The following ZFPM1 variants were observed in gnomAD, a reference collection of about 807,000 sequenced individuals.
ZFPM1 encodes the protein zinc finger protein, FOG family member 1, also known as zinc finger protein ZFPM1.
In ZFPM1, 28 loss-of-function variants were observed where a neutral mutation model predicts 46.3. That is an observed-to-expected ratio of 0.60 (90% confidence interval 0.45 to 0.83). The LOEUF is 0.83. ZFPM1 is among the 40% of genes least tolerant of loss of function. ZFPM1 has a pLI of 0.00. For missense variants in ZFPM1, 1,878 were observed against 1,432.4 expected (o/e 1.31, Z -5.02); for synonymous variants, 957 against 675.9 (o/e 1.42, Z -6.45).
chr16:88,509,014 A>G (rs1159445226), intron 3 of ZFPM1, among the ~76,000 whole-genome samples: 1 of 151,610 alleles, frequency 6.6e-6, no homozygotes, highest in Non-Finnish European at 1.5e-5. Context: ...ACCCCTGGCC[A>G]CCCCGGTCTG....
chr16:88,478,114 G>A (rs190363477), intron 1 of ZFPM1, among the ~76,000 whole-genome samples: 6 of 152,338 alleles, frequency 3.9e-5, no homozygotes, highest in African/African-American at 9.6e-5. Context: ...CCCCAGGCCC[G>A]CTGGCACAGT....
chr16:88,533,193 C>T lies in ZFPM1; in HGVS notation c.1235C>T (p.Pro412Leu), dbSNP rs760074267. The T allele has an allele frequency of 8.8e-5, 136 of 1,539,976 alleles. No homozygotes were observed. The highest frequency in any genetic ancestry group is 1.1e-4 in the Non-Finnish European group (132 of 1,153,094). ...CAGCAGCACACGGCCCTGCAAGGCC[C>T]CCTGGCCTCCGCGGACCTGGGCCTG... ...FQQQHTALQG[P>L]LASADLGLAP... Residue 412 changes from proline to leucine, a missense_variant, in exon 10 of 10, where the codon CCC becomes CTC. Transcript: ENST00000319555.
At chr16:88,493,048 T>TGTCCCGGGGTGCGG in intron 3 of ZFPM1, among the ~76,000 whole-genome samples, 1 of 149,074 alleles carries the variant, frequency 6.7e-6, no homozygotes, top group African/African-American at 2.5e-5. Flanking sequence ...TATGGAGAGC[T>TGTCCCGGGGTGCGG]ATCCCGGGGT....
intron 1 of ZFPM1, among the ~76,000 whole-genome samples, chr16:88,479,704 C>G (rs888762151): frequency 6.6e-6 from 1 of 151,150 alleles, no homozygotes; most frequent in South Asian, 2.1e-4. Context: ...GACCCCCCCC[C>G]ACCCACCTGC....
At chr16:88,475,583 C>G (rs1246265717) in intron 1 of ZFPM1, among the ~76,000 whole-genome samples, 4 of 152,102 alleles carry the variant, frequency 2.6e-5, no homozygotes, top group African/African-American at 9.7e-5. Flanking sequence ...TGAGAAAGCC[C>G]AGGTCCTCTC....
Position 88,534,986 on chromosome 16 carries a change from A to G in ZFPM1, c.*7A>G, listed in dbSNP as rs1000613474. The G allele has an allele frequency of 2.8e-6, 4 of 1,411,532 alleles. No homozygotes were observed. Among genetic ancestry groups the G allele is most frequent in the Middle Eastern group, 1.9e-4 (1 of 5,296 alleles). 87.4% of individuals were successfully genotyped at this position (1,411,532 alleles called of 1,614,324 possible). On this transcript the variant is annotated 3_prime_UTR_variant, in exon 10 of 10. Transcript: ENST00000319555. Reference sequence around the variant, plus strand: ...CGCCGAGCACGTGAAGTGAGCGCCCACACTACAGCCGCAGACGCTTTGCAC... The same window carrying G: ...CGCCGAGCACGTGAAGTGAGCGCCCGCACTACAGCCGCAGACGCTTTGCAC...
At chr16:88,519,588 G>GTGGA (rs933403818) in intron 4 of ZFPM1, among the ~76,000 whole-genome samples, 4 of 141,134 alleles carry the variant, frequency 2.8e-5, no homozygotes, top group Non-Finnish European at 6.2e-5. Flanking sequence ...GGGAGGGTGG[G>GTGGA]TGGATGGATG....
chr16:88,464,700 G>A (rs1416167739), intron 1 of ZFPM1, among the ~76,000 whole-genome samples: 2 of 152,262 alleles, frequency 1.3e-5, no homozygotes, highest in Non-Finnish European at 2.9e-5. Flanking sequence ...TACAGGCTGC[G>A]GCCTGGTCCG....
chr16:88,514,671 A>T, intron 4 of ZFPM1, 151 bp downstream of exon 4: 1 of 1,158,958 alleles, frequency 8.6e-7, no homozygotes. Flanking sequence ...ATAGGGAGGG[A>T]TTCGCTGCCT....
chr16:88,475,766 T>G (rs892137321), intron 1 of ZFPM1, among the ~76,000 whole-genome samples: 20 of 152,142 alleles, frequency 1.3e-4, no homozygotes, highest in African/African-American at 4.6e-4. Flanking sequence ...TTCCTCTGCT[T>G]AGGGAGGGGC....
At chr16:88,486,855 G>A (rs1241088332) in intron 2 of ZFPM1, among the ~76,000 whole-genome samples, 1 of 152,080 alleles carries the variant, frequency 6.6e-6, no homozygotes, top group Non-Finnish European at 1.5e-5. Context: ...GGGTGCAAGT[G>A]GGTGCTGGGT....
In ZFPM1 at chr16:88,481,417, C is replaced by T. The variant is rs557746023; in HGVS notation, c.41-4522C>T. On this transcript the variant is annotated intron_variant, in intron 1 of 9. Transcript: ENST00000319555. ...CAGCCCCAAGTTCCTGTCCCACCAC[C>T]CCCACCCCCACCACCGCTGCCTCCT... 9.1e-4 allele frequency among the ~76,000 whole-genome samples: 138 copies of T among 151,878 alleles called. No homozygotes were observed. The Middle Eastern group carries it at 0.01, about 11-fold the overall frequency.
chr16:88,534,100 G>C lies in ZFPM1; in HGVS notation c.2142G>C (p.Pro714=). ...YYCASRHDPP[P]RRPAAPPGPP... is the part of the protein sequence containing the mutation. ...GCGCCTCGCGCCACGACCCGCCGCC[G>C]CGCCGACCGGCCGCGCCCCCGGGAC... The change falls in exon 10 of 10, where the codon CCG becomes CCC. Residue 714 remains proline (P), a synonymous_variant. Coordinates refer to ENST00000319555, the MANE Select transcript of ZFPM1 (RefSeq NM_153813.3). 1.7e-6 allele frequency: 2 copies of C among 1,176,772 alleles called. No homozygotes were observed. The highest frequency in any genetic ancestry group is 1.7e-5 in the South Asian group (1 of 59,996). 72.9% of individuals were successfully genotyped at this position (1,176,772 alleles called of 1,614,324 possible). A position where few individuals can be genotyped will look rare whatever the true frequency, so the allele number is the denominator to read the frequency against.
chr16:88,474,091 C>G (rs1006413945), intron 1 of ZFPM1, among the ~76,000 whole-genome samples: 11 of 152,236 alleles, frequency 7.2e-5, no homozygotes, highest in Non-Finnish European at 1.0e-4. Flanking sequence ...CAGGCCGCAC[C>G]GATAGGATGT....
intron 1 of ZFPM1, among the ~76,000 whole-genome samples, chr16:88,460,104 C>T (rs1239377384): frequency 2.0e-5 from 3 of 152,010 alleles, no homozygotes; most frequent in Non-Finnish European, 4.4e-5. Flanking sequence ...TGGGCTGGGG[C>T]TTCCCTTTGG....
chr16:88,524,027 C>T (rs1431546067), intron 4 of ZFPM1, among the ~76,000 whole-genome samples: 1 of 152,262 alleles, frequency 6.6e-6, no homozygotes, highest in Non-Finnish European at 1.5e-5. Context: ...TGGGAACACG[C>T]TGCTCCTGGG....
chr16:88,488,084 G>T (rs1338995506), intron 2 of ZFPM1, among the ~76,000 whole-genome samples: 2 of 152,210 alleles, frequency 1.3e-5, no homozygotes, highest in Admixed American at 6.5e-5. Flanking sequence ...GTGGCTGGGG[G>T]GAGAGAGCAC....
At chr16:88,506,288 T>TG (rs1370211633) in intron 3 of ZFPM1, among the ~76,000 whole-genome samples, 3 of 28,902 alleles carry the variant, frequency 1.0e-4, no homozygotes, top group African/African-American at 2.3e-4. Context: ...AGGGCAGGGG[T>TG]GGGGGGGCAC....
intron 1 of ZFPM1, among the ~76,000 whole-genome samples, chr16:88,483,468 C>T (rs1267230029): frequency 6.6e-6 from 1 of 152,252 alleles, no homozygotes; most frequent in Non-Finnish European, 1.5e-5. Flanking sequence ...ACATATGGCC[C>T]CCTCTGCCAG....
Sources: gnomAD v4.1 joint callset for allele counts (sites outside exome capture counted in the v4.1 genomes callset) on GRCh38, gnomAD v4.1.1 for gene constraint, MANE v1.5 for transcripts, NCBI Gene and HGNC (gene_info 2026-07-23, HGNC 2026-07-21) for gene names.